The following TMEM259 variants were observed in gnomAD, a reference collection of about 807,000 sequenced individuals.
The protein encoded by TMEM259 is transmembrane protein 259.
TMEM259 carries 26 observed loss-of-function variants against 46.7 expected under a neutral mutation model. That is an observed-to-expected ratio of 0.56 (90% CI 0.41 to 0.77). The LOEUF (loss-of-function observed/expected upper bound fraction) is 0.77. Among genes scored for constraint, TMEM259 ranks in the 30% least tolerant of loss-of-function variants. The probability of loss-of-function intolerance (pLI) is 0.00; values close to 1 mark genes in which losing one functional copy is unlikely to be tolerated. For synonymous variants in TMEM259, 494 were observed against 395.1 expected, an observed-to-expected ratio of 1.25 and a Z score of -2.97; for missense variants, 930 against 900.5, an observed-to-expected ratio of 1.03 and a Z score of -0.42.
At position 1,020,403 on chromosome 19, in the gene TMEM259, C is replaced by T. The variant is rs1001468570; in HGVS notation, c.225+369G>A. On this transcript the variant is annotated intron_variant, in intron 1 of 10. Coordinates refer to ENST00000356663, the MANE Select transcript of TMEM259 (RefSeq NM_001033026.2). This position sits in a 1 kb window ranked among gnomAD's most constrained non-coding sequence, Gnocchi z 4.0. ...AGGGCGGGAGGTGCTACCTCGCAGGCCAGGACCGGACTCCAAGCCTGGGTA... is the reference window on the plus strand; with the variant it reads ...AGGGCGGGAGGTGCTACCTCGCAGGTCAGGACCGGACTCCAAGCCTGGGTA... Among the ~76,000 whole-genome samples the T allele has an allele frequency of 6.6e-6, 1 of 152,072 alleles. No homozygotes were observed. The highest frequency in any genetic ancestry group is 1.5e-5 in the Non-Finnish European group (1 of 67,998).
At position 1,015,113 on chromosome 19, in the gene TMEM259, G is replaced by A. The variant is rs115896866; in HGVS notation, c.226-640C>T. ...AATAGCTTCTCTCACCTGGCGGGGC[G>A]CCCTGTGCAACCCTCCCAGGCCTGG... On this transcript the variant is annotated intron_variant, in intron 1 of 10. Transcript: ENST00000356663. Among the ~76,000 whole-genome samples the A allele has an allele frequency of 5.1e-3, 774 of 152,292 alleles. 4 individuals carry two copies. Among genetic ancestry groups the A allele is most frequent in the African/African-American group, 0.018 (729 of 41,558 alleles).
chr19:1,019,265 G>T (rs527927020), intron 1 of TMEM259, among the ~76,000 whole-genome samples: 1 of 152,162 alleles, frequency 6.6e-6, no homozygotes, highest in Non-Finnish European at 1.5e-5. Flanking sequence ...GAGCTCCGTC[G>T]GGGGAACCTG....
At chr19:1,012,597 G>C (rs71335287) in intron 3 of TMEM259, 24 bp from the exon 4 acceptor site, 31,921 of 1,554,254 alleles carry the variant, frequency 0.021, 572 homozygotes, top group East Asian at 0.1. Flanking sequence ...CCAGGGACCA[G>C]GTCAGCGCCC....
rs772252934 is a variant in TMEM259, at chr19:1,011,723, C to A, written c.1000+18G>T. 1 of 1,536,400 alleles carries A rather than the reference C, an allele frequency of 6.5e-7. No individual in the cohort carries two copies. The highest frequency in any genetic ancestry group is 1.2e-5 in the South Asian group (1 of 82,984). On this transcript the variant is annotated intron_variant, in intron 7 of 10. Coordinates refer to ENST00000356663, the MANE Select transcript of TMEM259 (RefSeq NM_001033026.2). ...CCTGGAGGACGCCCGCCCCGCCCTG[C>A]GCCGGCGGGACACTCACCGATGAAG... is the stretch of plus-strand genomic sequence containing the variant.
At chr19:1,012,257 C>T (rs2038960007) in intron 4 of TMEM259, 69 bp from the exon 5 acceptor site, 5 of 1,543,646 alleles carry the variant, frequency 3.2e-6, no homozygotes, top group Non-Finnish European at 2.6e-6. Context: ...CCCCAGCTGG[C>T]TCCATTGCTG....
rs774302625 is a variant in TMEM259 at position 1,014,235 on chromosome 19, T to C, written c.464A>G (p.Glu155Gly). 1.2e-6 allele frequency: 2 copies of C among 1,612,444 alleles called. No individual in the cohort carries two copies. Among genetic ancestry groups the C allele is most frequent in the Non-Finnish European group, 1.7e-6 (2 of 1,179,058 alleles). ...AAACATCTCCATGGTCAGCTCTTCC[T>C]CCTCCTCATCTTCCATGTCCAGGTT... is the stretch of plus-strand genomic sequence containing the variant. ...GSNLDMEDEE[E>G]EELTMEMFGN... The change falls in exon 2 of 11, where the codon GAG (glutamate) becomes GGG (glycine). Residue 155 changes from glutamate (E) to glycine (G), a missense_variant. Coordinates refer to ENST00000356663, the MANE Select transcript of TMEM259 (RefSeq NM_001033026.2).
rs1054209277 is a variant in TMEM259, at chr19:1,020,801, G to A, written c.196C>T (p.Arg66Cys). Residue 66 changes from arginine (R) to cysteine (C), a missense_variant, in exon 1 of 11, where the codon CGT becomes TGT. Coordinates refer to ENST00000356663, the MANE Select transcript of TMEM259 (RefSeq NM_001033026.2). This position sits in a 1 kb window ranked among gnomAD's most constrained non-coding sequence, Gnocchi z 4.0. ...YSRLFPPAFR[R>C]LFEFFVLLKA... ...AGCAGCACGAAGAACTCGAAGAGAC[G>A]GCGGAAGGCGGGCGGGAAGAGCCGC... is the stretch of plus-strand genomic sequence containing the variant. 8 of 1,360,154 alleles carry A rather than the reference G, an allele frequency of 5.9e-6. No homozygotes were observed. The highest frequency in any genetic ancestry group is 7.6e-6 in the Non-Finnish European group (8 of 1,052,500). The allele number at this position is 1,360,154 out of a possible 1,614,324, so 84.3% of individuals were successfully genotyped here. A position where few individuals can be genotyped will look rare whatever the true frequency, so the allele number is the denominator to read the frequency against.
Position 1,020,682 on chromosome 19 carries a change from AG to A in TMEM259, c.225+89del, listed in dbSNP as rs1230566011. The A allele has an allele frequency of 3.0e-6, 3 of 992,940 alleles. No individual in the cohort carries two copies. The highest frequency in any genetic ancestry group is 4.0e-6 in the Non-Finnish European group (3 of 758,680). The allele number at this position is 992,940 out of a possible 1,614,324, so 61.5% of individuals were successfully genotyped here. A position where few individuals can be genotyped will look rare whatever the true frequency, so the allele number is the denominator to read the frequency against. Reference sequence around the variant, plus strand: ...GTGCAGGGTGGCGCTCGCTGTCCCCAGCGGGGCCAGGGGTCGCGGTCGGAGG... The same window carrying A: ...GTGCAGGGTGGCGCTCGCTGTCCCCACGGGGCCAGGGGTCGCGGTCGGAGG... On this transcript the variant is annotated intron_variant, in intron 1 of 10. Transcript: ENST00000356663. This position sits in a 1 kb window ranked among gnomAD's most constrained non-coding sequence, Gnocchi z 4.0.
chr19:1,014,345 G>C lies in TMEM259; in HGVS notation c.354C>G (p.Asn118Lys). 6 of 1,613,016 alleles carry C rather than the reference G, an allele frequency of 3.7e-6. No homozygotes were observed. Among genetic ancestry groups the C allele is most frequent in the Non-Finnish European group, 5.1e-6 (6 of 1,179,926 alleles). The change falls in exon 2 of 11, where the codon AAC becomes AAG. Residue 118 changes from asparagine (N) to lysine (K), a missense_variant. Physicochemically the swap from Asn to Lys is moderately conservative, Grantham distance 94. Coordinates refer to ENST00000356663, the MANE Select transcript of TMEM259 (RefSeq NM_001033026.2). ...GTAGGAAGACGGGCGCGCGGCTCGAGTTGTGCCGCACTTCCACACGCAGGA... is the reference window on the plus strand; with the variant it reads ...GTAGGAAGACGGGCGCGCGGCTCGACTTGTGCCGCACTTCCACACGCAGGA... ...EGILRVEVRH[N>K]SSRAPVFLQF...
chr19:1,011,848 G>A lies in TMEM259; in HGVS notation c.942+44C>T, dbSNP rs771912461. ...TATGAGGGGCTGCGAGGGCCTGCTT[G>A]GCTCCCGCCCGGCCAGCCCCCGCAC... On this transcript the variant is annotated intron_variant, in intron 6 of 10. Transcript: ENST00000356663. 146 of 1,590,962 alleles carry A rather than the reference G, an allele frequency of 9.2e-5. 6 individuals are homozygous for A. The South Asian group carries it at 1.5e-3, about 16-fold the overall frequency.
intron 2 of TMEM259, among the ~76,000 whole-genome samples, chr19:1,013,950 C>G (rs181248671): frequency 1.1e-4 from 16 of 152,324 alleles, no homozygotes; most frequent in Admixed American, 5.2e-4. Context: ...CTGCCCAGCC[C>G]AAGTCCTCCC....
chr19:1,010,423 AG>A lies in TMEM259; in HGVS notation c.1789del (p.Leu597TrpfsTer5). 1 of 1,531,582 alleles carries A rather than the reference AG, an allele frequency of 6.5e-7. No individual in the cohort carries two copies. The highest frequency in any genetic ancestry group is 8.8e-7 in the Non-Finnish European group (1 of 1,141,752). The allele number at this position is 1,531,582 out of a possible 1,614,324, so 94.9% of individuals were successfully genotyped here. On this transcript the variant is annotated frameshift_variant, in exon 11 of 11. Coordinates refer to ENST00000356663, the MANE Select transcript of TMEM259 (RefSeq NM_001033026.2). LOFTEE classifies it low-confidence loss of function (END_TRUNC). ...SDSAASDTTP[L>X]GAAVGGPSPA... ...GCTAGGCCCGCCTACCGCAGCCCCC[AG>A]GGGAGTTGTGTCAGAAGCTGCGGAG... is the stretch of plus-strand genomic sequence containing the variant.
chr19:1,010,355 A>AC lies in TMEM259; in HGVS notation c.1857dup (p.Ser620ValfsTer17), dbSNP rs757505163. ...AGGCGGCTCAGCTGTGCGGCTCAGG[A>AC]CCCCACCTCCGAGGGCGCCTCCGTT... On this transcript the variant is annotated frameshift_variant, in exon 11 of 11. Coordinates refer to ENST00000356663, the MANE Select transcript of TMEM259 (RefSeq NM_001033026.2). LOFTEE classifies it high-confidence loss of function. 2.7e-6 allele frequency: 4 copies of AC among 1,488,162 alleles called. No homozygotes were observed. Among genetic ancestry groups the AC allele is most frequent in the Non-Finnish European group, 3.5e-6 (4 of 1,127,588 alleles). The allele number at this position is 1,488,162 out of a possible 1,614,324, so 92.2% of individuals were successfully genotyped here.
intron 4 of TMEM259, 71 bp from the exon 5 acceptor site, chr19:1,012,259 C>A: frequency 6.5e-7 from 1 of 1,542,456 alleles, no homozygotes; most frequent in Non-Finnish European, 8.7e-7. Flanking sequence ...CCAGCTGGCT[C>A]CATTGCTGAG....
chr19:1,012,185 G>A lies in TMEM259; in HGVS notation c.722C>T (p.Pro241Leu). Residue 241 changes from proline (P) to leucine (L), a missense_variant, in exon 5 of 11, where the codon CCC becomes CTC. Transcript: ENST00000356663. ...GTCCCCGAAGCACTGGTCCCGCGTG[G>A]GGTCTGCGGGTGGGTGAATCAGGGA... Reference protein sequence around the residue: ...SIPVMVVTLDPTRDQCFGDRF... With the variant: ...SIPVMVVTLDLTRDQCFGDRF... The A allele has an allele frequency of 6.3e-7, 1 of 1,598,822 alleles. No individual in the cohort carries two copies. The highest frequency in any genetic ancestry group is 8.5e-7 in the Non-Finnish European group (1 of 1,173,694).
chr19:1,009,873 C>CG lies in TMEM259; in HGVS notation c.*476dup, dbSNP rs2038839170. 1 of 396,000 alleles carries CG rather than the reference C, an allele frequency of 2.5e-6. No homozygotes were observed. The highest frequency in any genetic ancestry group is 4.7e-5 in the Admixed American group (1 of 21,384). 24.5% of individuals were successfully genotyped at this position (396,000 alleles called of 1,614,324 possible). On this transcript the variant is annotated 3_prime_UTR_variant, in exon 11 of 11. Coordinates refer to ENST00000356663, the MANE Select transcript of TMEM259 (RefSeq NM_001033026.2). ...GCCCGAGGCGCAAGCTCTGCTCTCC[C>CG]GGGGACCCCAAGCCTGGCGCACACG...
At position 1,011,200 on chromosome 19, in the gene TMEM259, G is replaced by T; in HGVS notation, c.1218-5C>A. 3 of 1,586,622 alleles carry T rather than the reference G, an allele frequency of 1.9e-6. No individual in the cohort carries two copies. The highest frequency in any genetic ancestry group is 2.3e-5 in the East Asian group (1 of 43,170). ...AAGTGGTAGAGATAGAAGAACCTGCGGGGCGGGGTGAGGGCGTCGGGGCTG... is the reference window on the plus strand; with the variant it reads ...AAGTGGTAGAGATAGAAGAACCTGCTGGGCGGGGTGAGGGCGTCGGGGCTG... On this transcript the variant is annotated splice_region_variant and splice_polypyrimidine_tract_variant and intron_variant, in intron 9 of 10. Transcript: ENST00000356663.
At position 1,011,421 on chromosome 19, in the gene TMEM259, T is replaced by C. The variant is rs776988930; in HGVS notation, c.1163A>G (p.Asp388Gly). 1 of 1,556,668 alleles carries C rather than the reference T, an allele frequency of 6.4e-7. No homozygotes were observed. Among genetic ancestry groups the C allele is most frequent in the Non-Finnish European group, 8.7e-7 (1 of 1,153,674 alleles). The part of the protein sequence containing the change: ...FYIILIVWLA[D>G]QYDAICCHTS... ...GTGGCAGCAGATGGCGTCATACTGG[T>C]CCGCGAGCCACACGATGAGGATGAT... The change falls in exon 9 of 11, where the codon GAC (aspartate) becomes GGC (glycine). Residue 388 changes from aspartate (D) to glycine (G), a missense_variant. Asp to Gly is a moderately conservative substitution (Grantham distance 94, BLOSUM62 -1). Coordinates refer to ENST00000356663, the MANE Select transcript of TMEM259 (RefSeq NM_001033026.2).
At chr19:1,012,894 G>A (rs12974276) in intron 3 of TMEM259, among the ~76,000 whole-genome samples, 2,878 of 152,278 alleles carry the variant, frequency 0.019, 57 homozygotes, top group East Asian at 0.1. Context: ...CCGGCCCTCT[G>A]GATAGACCCT....
Sources: allele counts gnomAD v4.1 joint callset (sites outside exome capture counted in the v4.1 genomes callset), GRCh38; gene constraint gnomAD v4.1.1; non-coding constraint Gnocchi (gnomAD v3.1); transcripts MANE v1.5; gene names NCBI Gene and HGNC (gene_info 2026-07-23, HGNC 2026-07-21).